CFAP77: variants seen among roughly 807,000 people sequenced by gnomAD.
CFAP77 encodes cilia- and flagella-associated protein 77.
In CFAP77, 25 loss-of-function variants were observed where a neutral mutation model predicts 31.1. The ratio of observed to expected loss-of-function variants is 0.80; its 90% confidence interval spans 0.59 to 1.12. The LOEUF is 1.12. Among genes scored for constraint, CFAP77 ranks in the 50% most tolerant of loss-of-function variants. The probability of loss-of-function intolerance (pLI) is 0.00; values close to 1 mark genes in which losing one functional copy is unlikely to be tolerated. For missense variants in CFAP77, 377 were observed against 397.3 expected (o/e 0.95, Z 0.44); for synonymous variants, 151 against 159.9 (o/e 0.94, Z 0.42).
chr9:132,451,947 G>GGT (rs1206918334), intron 1 of CFAP77, among the ~76,000 whole-genome samples: 1 of 151,856 alleles, frequency 6.6e-6, no homozygotes, highest in Non-Finnish European at 1.5e-5. Context: ...TGGGACTACA[G>GGT]GTGTGTGCCA....
chr9:132,428,594 G>A (rs745897626), intron 1 of CFAP77, among the ~76,000 whole-genome samples: 18 of 152,202 alleles, frequency 1.2e-4, no homozygotes, highest in Admixed American at 5.9e-4. Flanking sequence ...CAGCCTGAGC[G>A]ACAGAGCGAG....
chr9:132,543,730 C>G (rs184875817), intron 5 of CFAP77, among the ~76,000 whole-genome samples: 1 of 152,194 alleles, frequency 6.6e-6, no homozygotes, highest in Non-Finnish European at 1.5e-5. Context: ...GACACGTACC[C>G]AGACTGACCT....
intron 1 of CFAP77, 143 bp downstream of exon 1, chr9:132,410,609 C>A: frequency 1.5e-6 from 1 of 688,414 alleles, no homozygotes; most frequent in Non-Finnish European, 2.3e-6. Flanking sequence ...TCCAGACAGG[C>A]CTGGACCCCC....
Position 132,495,018 on chromosome 9 carries a change from G to T in CFAP77, c.196-3677G>T, listed in dbSNP as rs1279582961. Among the ~76,000 whole-genome samples the T allele has an allele frequency of 6.6e-6, 1 of 152,204 alleles. No individual in the cohort carries two copies. The highest frequency in any genetic ancestry group is 1.5e-5 in the Non-Finnish European group (1 of 68,042). ...CCACATCAAATACCCTGGTGAACATGACTGCCATTGCTTAACTGTACTTTT... is the reference window on the plus strand; with the variant it reads ...CCACATCAAATACCCTGGTGAACATTACTGCCATTGCTTAACTGTACTTTT... On this transcript the variant is annotated intron_variant, in intron 1 of 5. Coordinates refer to ENST00000393216, the MANE Select transcript of CFAP77 (RefSeq NM_001282957.2). This position sits in a 1 kb window ranked among gnomAD's most constrained non-coding sequence, Gnocchi z 4.2.
At chr9:132,555,634 A>G (rs1852891173) in intron 5 of CFAP77, among the ~76,000 whole-genome samples, 1 of 152,190 alleles carries the variant, frequency 6.6e-6, no homozygotes, top group South Asian at 2.1e-4. Flanking sequence ...GAGCTCTGGA[A>G]TTTGATGCTC....
rs1408174870 is a variant in CFAP77 at position 132,499,239 on chromosome 9, G to A, written c.296-133G>A. 9 of 748,350 alleles carry A rather than the reference G, an allele frequency of 1.2e-5. No individual in the cohort carries two copies. The highest frequency in any genetic ancestry group is 1.8e-5 in the African/African-American group (1 of 56,766). 46.4% of individuals were successfully genotyped at this position (748,350 alleles called of 1,614,324 possible). On this transcript the variant is annotated intron_variant, in intron 2 of 5. Coordinates refer to ENST00000393216, the MANE Select transcript of CFAP77 (RefSeq NM_001282957.2). This position sits in a 1 kb window ranked among gnomAD's most constrained non-coding sequence, Gnocchi z 5.4. ...CATCATGCTTTCTGGGGGCCAGGCA[G>A]GGTTGTCACCCAGTAGGCTCAGGTA...
chr9:132,484,404 T>C (rs1414531337), intron 1 of CFAP77, among the ~76,000 whole-genome samples: 2 of 152,166 alleles, frequency 1.3e-5, no homozygotes, highest in African/African-American at 4.8e-5. Flanking sequence ...ATGAGCAGTC[T>C]CCCTCCAGCT....
At chr9:132,566,469 C>T (rs1254548221) in intron 5 of CFAP77, among the ~76,000 whole-genome samples, 2 of 152,220 alleles carry the variant, frequency 1.3e-5, no homozygotes, top group African/African-American at 4.8e-5. Flanking sequence ...TGTTCTTGTC[C>T]TAGCATTGCT....
In CFAP77 at chr9:132,497,500, C is replaced by G. The variant is rs1005070032; in HGVS notation, c.196-1195C>G. ...ACAGTGGAAGGAGCAGCTGCACCCA[C>G]CCTTCTCAGTAATGGCCCCGGGGCC... On this transcript the variant is annotated intron_variant, in intron 1 of 5. Coordinates refer to ENST00000393216, the MANE Select transcript of CFAP77 (RefSeq NM_001282957.2). The surrounding 1 kb of genome is among the most constrained non-coding windows in gnomAD (Gnocchi z 4.9). 6.6e-6 allele frequency among the ~76,000 whole-genome samples: 1 copy of G among 152,222 alleles called. No individual in the cohort carries two copies. Among genetic ancestry groups the G allele is most frequent in the Non-Finnish European group, 1.5e-5 (1 of 68,040 alleles).
At chr9:132,515,534 G>A (rs1852130446) in intron 3 of CFAP77, among the ~76,000 whole-genome samples, 2 of 152,076 alleles carry the variant, frequency 1.3e-5, no homozygotes, top group Admixed American at 1.3e-4. Context: ...AATATTTTAT[G>A]AGTCCCTAAA....
intron 3 of CFAP77, among the ~76,000 whole-genome samples, chr9:132,504,683 C>T (rs543143897): frequency 6.6e-5 from 10 of 152,294 alleles, no homozygotes; most frequent in African/African-American, 2.4e-4. Flanking sequence ...CAGAAATATC[C>T]CCCAAAGCAG....
rs768486195 is a variant in CFAP77, at chr9:132,543,022, T to A, written c.707T>A (p.Leu236His). The stretch of plus-strand genomic sequence containing the variant: ...AAGCCGCCCGTGAAGCTGGACACCC[T>A]CTGGCACATGCCTCACTTCCAGAAG... ...KYKPPVKLDT[L>H]WHMPHFQKVG... The change falls in exon 5 of 6, where the codon CTC becomes CAC. Residue 236 changes from leucine to histidine, a missense_variant. Transcript: ENST00000393216. 3.1e-6 allele frequency: 5 copies of A among 1,614,038 alleles called. No homozygotes were observed. In the East Asian group the frequency reaches 8.9e-5, roughly 29 times the overall value.
At chr9:132,488,229 C>T (rs1438596424) in intron 1 of CFAP77, among the ~76,000 whole-genome samples, 2 of 152,078 alleles carry the variant, frequency 1.3e-5, no homozygotes, top group African/African-American at 2.4e-5. Flanking sequence ...ATGGAATGAA[C>T]GTCTTTGGTG....
At position 132,554,944 on chromosome 9, in the gene CFAP77, CCAT is replaced by C. The variant is rs1564251164; in HGVS notation, c.732+11899_732+11901del. Among the ~76,000 whole-genome samples the C allele has an allele frequency of 1.7e-5, 1 of 59,672 alleles. No homozygotes were observed. The highest frequency in any genetic ancestry group is 9.5e-5 in the African/African-American group (1 of 10,482). 39.1% of individuals were successfully genotyped at this position (59,672 alleles called of 152,430 possible). The stretch of plus-strand genomic sequence containing the variant: ...TGCATGCATCCATCCATCCACCCAT[CCAT>C]CCATCCATCCATCCATCCATCCATC... On this transcript the variant is annotated intron_variant, in intron 5 of 5. Transcript: ENST00000393216. This position sits in a 1 kb window ranked among gnomAD's most constrained non-coding sequence, Gnocchi z 4.1.
At chr9:132,429,626 C>G (rs1589845225) in intron 1 of CFAP77, among the ~76,000 whole-genome samples, 1 of 145,436 alleles carries the variant, frequency 6.9e-6, no homozygotes, top group Non-Finnish European at 1.5e-5. Flanking sequence ...GGGTGGATCA[C>G]AAGGTCAGGA....
At position 132,547,608 on chromosome 9, in the gene CFAP77, A is replaced by G. The variant is rs369488430; in HGVS notation, c.732+4561A>G. 5.8e-4 allele frequency among the ~76,000 whole-genome samples: 89 copies of G among 152,300 alleles called. 1 individual carries two copies. The highest frequency in any genetic ancestry group is 2.0e-3 in the African/African-American group (84 of 41,558). ...CTGCTGGCCGCTGGCTTGGGGTGAC[A>G]TGGACAGACAGACCGACACACAGGC... is the stretch of plus-strand genomic sequence containing the variant. On this transcript the variant is annotated intron_variant, in intron 5 of 5. Coordinates refer to ENST00000393216, the MANE Select transcript of CFAP77 (RefSeq NM_001282957.2).
chr9:132,558,582 G>A (rs1164183921), intron 5 of CFAP77, among the ~76,000 whole-genome samples: 1 of 152,084 alleles, frequency 6.6e-6, no homozygotes, highest in Non-Finnish European at 1.5e-5. Flanking sequence ...GCAGGCGCCT[G>A]TAATCCCAGC....
At chr9:132,524,176 G>A (rs1309124758) in intron 3 of CFAP77, among the ~76,000 whole-genome samples, 2 of 151,962 alleles carry the variant, frequency 1.3e-5, no homozygotes, top group Non-Finnish European at 2.9e-5. Context: ...TTATAAGTGA[G>A]ACTGACCAGT....
At chr9:132,437,207 C>T (rs1030771313) in intron 1 of CFAP77, among the ~76,000 whole-genome samples, 2 of 152,232 alleles carry the variant, frequency 1.3e-5, no homozygotes, top group African/African-American at 4.8e-5. Flanking sequence ...GTCCTGCTTT[C>T]TGAAGACTCC....
Sources: allele counts gnomAD v4.1 joint callset (sites outside exome capture counted in the v4.1 genomes callset), GRCh38; gene constraint gnomAD v4.1.1; non-coding constraint Gnocchi (gnomAD v3.1); transcripts MANE v1.5; gene names NCBI Gene and HGNC (gene_info 2026-07-23, HGNC 2026-07-21).